The following GPR158 variants were observed in gnomAD, a reference collection of about 807,000 sequenced individuals.
GPR158 encodes the protein metabotropic glycine receptor.
Under a neutral mutation model 78.2 loss-of-function variants are expected in GPR158, and 30 were observed. That is an observed-to-expected ratio of 0.38 (90% CI 0.29 to 0.52). The LOEUF (loss-of-function observed/expected upper bound fraction) is 0.52. Ranked by LOEUF, GPR158 falls within the 20% of genes least tolerant of loss-of-function variation. The pLI is 0.83. For missense variants in GPR158, 1,463 were observed against 1,523.5 expected, an observed-to-expected ratio of 0.96 and a Z score of 0.66; for synonymous variants, 581 against 591.1, an observed-to-expected ratio of 0.98 and a Z score of 0.25.
intron 2 of GPR158, among the ~76,000 whole-genome samples, chr10:25,260,419 T>C (rs1853953016): frequency 6.6e-6 from 1 of 152,134 alleles, no homozygotes; most frequent in Non-Finnish European, 1.5e-5. Flanking sequence ...GTTAGCATGG[T>C]CACTACCAAT....
intron 2 of GPR158, among the ~76,000 whole-genome samples, chr10:25,239,218 T>G (rs921891959): frequency 6.6e-6 from 1 of 152,148 alleles, no homozygotes; most frequent in Non-Finnish European, 1.5e-5. Context: ...TGGGGAAGCT[T>G]CTTTTATGAA....
At chr10:25,202,256 C>A (rs1158570205) in intron 1 of GPR158, among the ~76,000 whole-genome samples, 1 of 151,676 alleles carries the variant, frequency 6.6e-6, no homozygotes, top group African/African-American at 2.4e-5. Flanking sequence ...AGGAATTTAT[C>A]CATTTTTTTT....
intron 2 of GPR158, among the ~76,000 whole-genome samples, chr10:25,255,311 G>A (rs1853876094): frequency 6.6e-6 from 1 of 152,226 alleles, no homozygotes; most frequent in Admixed American, 6.5e-5. Context: ...GGTTAGAAGG[G>A]TTGAGTCTTA....
chr10:25,395,147 T>C (rs1464235150), intron 2 of GPR158, among the ~76,000 whole-genome samples: 1 of 152,162 alleles, frequency 6.6e-6, no homozygotes, highest in Admixed American at 6.5e-5. Context: ...TAAATTTTAC[T>C]TGGTTAAAAT....
At chr10:25,526,828 G>A (rs1836352848) in intron 5 of GPR158, among the ~76,000 whole-genome samples, 1 of 152,176 alleles carries the variant, frequency 6.6e-6, no homozygotes, top group Non-Finnish European at 1.5e-5. Context: ...CTTGCAGAGA[G>A]ACTCAGGGCT....
At chr10:25,474,251 T>C (rs1049387120) in intron 5 of GPR158, among the ~76,000 whole-genome samples, 4 of 152,282 alleles carry the variant, frequency 2.6e-5, no homozygotes, top group African/African-American at 9.6e-5. Context: ...AGACTCATTT[T>C]GGGCATAGGA....
intron 4 of GPR158, among the ~76,000 whole-genome samples, chr10:25,457,140 CTTTTTTTTTT>C (rs11384299): frequency 3.4e-5 from 2 of 59,418 alleles, no homozygotes; most frequent in African/African-American, 6.8e-5. Flanking sequence ...CCATGCCCAC[CTTTTTTTTTT>C]TTTTTTTTTT....
chr10:25,451,100 G>GTGCTT (rs1835210426), intron 4 of GPR158, among the ~76,000 whole-genome samples: 1 of 152,068 alleles, frequency 6.6e-6, no homozygotes, highest in African/African-American at 2.4e-5. Flanking sequence ...TGTACCAGTG[G>GTGCTT]TGCTTTGGTA....
intron 2 of GPR158, among the ~76,000 whole-genome samples, chr10:25,247,082 T>G (rs934781747): frequency 6.6e-6 from 1 of 152,194 alleles, no homozygotes. Flanking sequence ...AAAGATCCAA[T>G]CTGTTTTTTC....
At chr10:25,446,195 G>A (rs1835136643) in intron 4 of GPR158, among the ~76,000 whole-genome samples, 1 of 152,122 alleles carries the variant, frequency 6.6e-6, no homozygotes, top group Admixed American at 6.5e-5. Flanking sequence ...GAAAGTAATG[G>A]AATTACTTTC....
At chr10:25,416,404 G>A (rs561608898) in intron 4 of GPR158, among the ~76,000 whole-genome samples, 1 of 152,168 alleles carries the variant, frequency 6.6e-6, no homozygotes, top group East Asian at 1.9e-4. Context: ...GTCCTTTTCA[G>A]GAGTGATTAC....
At chr10:25,217,288 T>C (rs1261184924) in intron 1 of GPR158, among the ~76,000 whole-genome samples, 1 of 152,174 alleles carries the variant, frequency 6.6e-6, no homozygotes, top group Non-Finnish European at 1.5e-5. Flanking sequence ...TTAAGCAATA[T>C]ATGTTAAAGT....
intron 2 of GPR158, among the ~76,000 whole-genome samples, chr10:25,390,176 T>C (rs1409183373): frequency 6.6e-6 from 1 of 152,174 alleles, no homozygotes; most frequent in African/African-American, 2.4e-5. Flanking sequence ...TATATCCTTA[T>C]AGCAGCTTGA....
chr10:25,405,498 C>CTTTTTTTTTTTTTTTTTTTTTTTT (rs59695469), intron 3 of GPR158, among the ~76,000 whole-genome samples: 2 of 45,522 alleles, frequency 4.4e-5, no homozygotes, highest in African/African-American at 1.5e-4. Flanking sequence ...AAACAATTTC[C>CTTTTTTTTTTTTTTTTTTTTTTTT]TTTTTTTTTT....
At chr10:25,195,106 AGATTTTTCCC>A (rs1339967745) in intron 1 of GPR158, among the ~76,000 whole-genome samples, 1 of 151,940 alleles carries the variant, frequency 6.6e-6, no homozygotes, top group African/African-American at 2.4e-5. Context: ...ATCTCCATCA[AGATTTTTCCC>A]CACCCATTGG....
chr10:25,341,595 G>A (rs1024249269), intron 2 of GPR158, among the ~76,000 whole-genome samples: 6 of 151,940 alleles, frequency 3.9e-5, no homozygotes, highest in Non-Finnish European at 5.9e-5. Flanking sequence ...TTGTATTGCA[G>A]TGGGAGTGCC....
At chr10:25,204,701 G>T (rs1025680432) in intron 1 of GPR158, among the ~76,000 whole-genome samples, 1 of 151,830 alleles carries the variant, frequency 6.6e-6, no homozygotes, top group East Asian at 1.9e-4. Flanking sequence ...CAGGGATATT[G>T]GTCTAAAATT....
chr10:25,285,066 TTGTGTGTGTGTG>T (rs149094801), intron 2 of GPR158, among the ~76,000 whole-genome samples: 1 of 149,046 alleles, frequency 6.7e-6, no homozygotes, highest in African/African-American at 2.5e-5. Context: ...GTTCTATTCA[TTGTGTGTGTGTG>T]TGTGTGTGTG....
intron 2 of GPR158, among the ~76,000 whole-genome samples, chr10:25,226,493 A>G (rs1853374680): frequency 6.6e-6 from 1 of 152,246 alleles, no homozygotes; most frequent in African/African-American, 2.4e-5. Flanking sequence ...TATGATTTGT[A>G]TTAGTGCAAT....
Sources: gnomAD v4.1 joint callset for allele counts (sites outside exome capture counted in the v4.1 genomes callset) on GRCh38, gnomAD v4.1.1 for gene constraint, MANE v1.5 for transcripts, NCBI Gene and HGNC (gene_info 2026-07-23, HGNC 2026-07-21) for gene names.